Variants in RBFOX1 observed in about 807,000 individuals in gnomAD.
RBFOX1 encodes the protein RNA binding protein fox-1 homolog 1.
A neutral mutation model predicts 57.7 loss-of-function variants in RBFOX1; 8 were observed. That is an observed-to-expected ratio of 0.14 (90% CI 0.08 to 0.25). The LOEUF is 0.25. Among genes scored for constraint, RBFOX1 ranks in the 10% least tolerant of loss-of-function variants. The probability of loss-of-function intolerance (pLI) is 1.00; values close to 1 mark genes in which losing one functional copy is unlikely to be tolerated. For missense variants in RBFOX1, 611 were observed against 548.5 expected (o/e 1.11, Z -1.14); for synonymous variants, 326 against 222.4 (o/e 1.47, Z -4.15).
At chr16:6,395,280 T>C (rs1357300651) in intron 2 of RBFOX1, among the ~76,000 whole-genome samples, 1 of 152,146 alleles carries the variant, frequency 6.6e-6, no homozygotes, top group Non-Finnish European at 1.5e-5. Flanking sequence ...TGGTGGAAAA[T>C]GCCAACAAAG....
chr16:6,215,179 GGA>G (rs1271599666), intron 1 of RBFOX1, among the ~76,000 whole-genome samples: 2 of 124,940 alleles, frequency 1.6e-5, no homozygotes, highest in African/African-American at 6.1e-5. Context: ...AGGGAGAGGG[GGA>G]GAGAGAAGGA....
At chr16:7,095,554 A>G (rs557558047) in intron 4 of RBFOX1, among the ~76,000 whole-genome samples, 72 of 152,028 alleles carry the variant, frequency 4.7e-4, no homozygotes, top group African/African-American at 1.7e-3. Flanking sequence ...TCTTACTTTG[A>G]GTTACATTGT....
chr16:5,518,746 T>G (rs867760600), intron 2 of RBFOX1, among the ~76,000 whole-genome samples: 1 of 152,184 alleles, frequency 6.6e-6, no homozygotes. Flanking sequence ...AAGGTCCCTG[T>G]CCTGCATGAG....
At chr16:6,744,922 A>G (rs1241767822) in intron 3 of RBFOX1, among the ~76,000 whole-genome samples, 1 of 152,070 alleles carries the variant, frequency 6.6e-6, no homozygotes, top group African/African-American at 2.4e-5. Flanking sequence ...AAATTAGTAA[A>G]ATCAATACAC....
intron 4 of RBFOX1, among the ~76,000 whole-genome samples, chr16:7,442,177 G>A (rs990755158): frequency 1.3e-5 from 2 of 152,066 alleles, no homozygotes; most frequent in African/African-American, 4.8e-5. Context: ...TTACCTTTTG[G>A]CCTTCGTTCT....
In RBFOX1 at chr16:5,634,299, C is replaced by G. The variant is rs370148666; in HGVS notation, c.318+35338C>G. On this transcript the variant is annotated intron_variant, in intron 3 of 19. Transcript: ENST00000641259. The stretch of plus-strand genomic sequence containing the variant: ...GCAATCATTTGACTATTTATTTTCA[C>G]TTTCTCCATACTTTATACAGAGTGG... Among the ~76,000 whole-genome samples, 3 of 152,340 alleles carry G rather than the reference C, an allele frequency of 2.0e-5. No individual in the cohort carries two copies. In the East Asian group the frequency reaches 5.8e-4, roughly 29 times the overall value.
At chr16:7,482,184 C>T (rs1599577139) in intron 4 of RBFOX1, among the ~76,000 whole-genome samples, 1 of 152,174 alleles carries the variant, frequency 6.6e-6, no homozygotes, top group South Asian at 2.1e-4. Context: ...TGAAGGGTTA[C>T]AGAATCTAAT....
At chr16:7,691,352 C>T (rs962210129) in intron 14 of RBFOX1, among the ~76,000 whole-genome samples, 1 of 139,954 alleles carries the variant, frequency 7.1e-6, no homozygotes, top group South Asian at 2.3e-4. Flanking sequence ...AAATAAAAAT[C>T]AATACACATA....
chr16:7,220,558 G>A (rs927189562), intron 4 of RBFOX1, among the ~76,000 whole-genome samples: 4 of 152,182 alleles, frequency 2.6e-5, no homozygotes, highest in African/African-American at 9.7e-5. Flanking sequence ...CCTGATGTCA[G>A]GTGTGGCTCT....
chr16:6,611,973 C>G (rs534234503), intron 2 of RBFOX1, among the ~76,000 whole-genome samples: 4 of 150,640 alleles, frequency 2.7e-5, no homozygotes, highest in African/African-American at 9.6e-5. Flanking sequence ...ACCGTTCCTT[C>G]TTTGGCCTCT....
intron 4 of RBFOX1, among the ~76,000 whole-genome samples, chr16:7,225,581 C>T (rs1188366770): frequency 6.6e-6 from 1 of 151,502 alleles, no homozygotes; most frequent in Admixed American, 6.6e-5. Flanking sequence ...TACAGTGGGC[C>T]ATGTGAGATG....
intron 4 of RBFOX1, among the ~76,000 whole-genome samples, chr16:7,261,901 C>T (rs991071465): frequency 3.3e-5 from 5 of 152,140 alleles, no homozygotes; most frequent in East Asian, 3.9e-4. Context: ...GTGTGAAAAG[C>T]CCTCCAAGTG....
At chr16:7,003,965 T>C (rs1453429898) in intron 3 of RBFOX1, 2 of 151,216 alleles carry the variant, frequency 1.3e-5, no homozygotes, top group East Asian at 3.9e-4. Context: ...AAACATCCCA[T>C]TTTCCCAGGG....
intron 3 of RBFOX1, among the ~76,000 whole-genome samples, chr16:5,842,904 C>G (rs149051268): frequency 6.6e-6 from 1 of 152,136 alleles, no homozygotes; most frequent in African/African-American, 2.4e-5. Flanking sequence ...CTGCAACCTC[C>G]GCCTCTTGGA....
chr16:6,450,818 C>T (rs2534767), intron 2 of RBFOX1, among the ~76,000 whole-genome samples: 1,168 of 17,366 alleles, frequency 0.067, 117 homozygotes, highest in East Asian at 0.17. Context: ...TATATATATA[C>T]ATATATATAT....
intron 1 of RBFOX1, among the ~76,000 whole-genome samples, chr16:6,039,512 G>A (rs952446742): frequency 3.3e-5 from 5 of 152,100 alleles, no homozygotes; most frequent in African/African-American, 1.2e-4. Flanking sequence ...GAATCCTAAA[G>A]GCAGGATTTT....
intron 2 of RBFOX1, among the ~76,000 whole-genome samples, chr16:6,605,102 A>G (rs1390732728): frequency 1.3e-5 from 2 of 152,152 alleles, no homozygotes; most frequent in African/African-American, 4.8e-5. Flanking sequence ...AGCTGGGCAC[A>G]GTGGTGCGCA....
chr16:6,681,310 C>T (rs779976270), intron 3 of RBFOX1, among the ~76,000 whole-genome samples: 5 of 150,694 alleles, frequency 3.3e-5, no homozygotes, highest in Non-Finnish European at 7.4e-5. Context: ...AGAGCAAGAG[C>T]CTGTCTGGAA....
At chr16:6,780,222 T>TATATATATTTATATATATTTAC (rs1567214635) in intron 3 of RBFOX1, among the ~76,000 whole-genome samples, 9 of 73,250 alleles carry the variant, frequency 1.2e-4, no homozygotes, top group Non-Finnish European at 2.0e-4. Context: ...TATATATTTA[T>TATATATATTTATATATATTTAC]ATATATATTT....
Sources: allele counts gnomAD v4.1 joint callset (sites outside exome capture counted in the v4.1 genomes callset), GRCh38; gene constraint gnomAD v4.1.1; transcripts MANE v1.5; gene names NCBI Gene and HGNC (gene_info 2026-07-23, HGNC 2026-07-21).